The following AGBL4 variants were observed in gnomAD, a reference collection of about 807,000 sequenced individuals.
AGBL4 encodes AGBL carboxypeptidase 4, also known as cytosolic carboxypeptidase 6.
AGBL4 carries 58 observed loss-of-function variants against 66.4 expected under a neutral mutation model. The observed-to-expected ratio is 0.87, with a 90% CI of 0.71 to 1.09. AGBL4 has a LOEUF of 1.09. Among genes scored for constraint, AGBL4 ranks in the 50% least tolerant of loss-of-function variants. The pLI is 0.00. For synonymous variants in AGBL4, 234 were observed against 222.9 expected, an observed-to-expected ratio of 1.05 and a Z score of -0.44; for missense variants, 579 against 631.0, an observed-to-expected ratio of 0.92 and a Z score of 0.88.
chr1:48,547,208 G>C (rs1199402782), intron 11 of AGBL4, among the ~76,000 whole-genome samples: 3 of 152,068 alleles, frequency 2.0e-5, no homozygotes, highest in Non-Finnish European at 4.4e-5. Flanking sequence ...AAAATGACAC[G>C]GTCTCATTTT....
At chr1:49,852,222 A>G (rs910600395) in intron 1 of AGBL4, among the ~76,000 whole-genome samples, 1 of 152,166 alleles carries the variant, frequency 6.6e-6, no homozygotes, top group Non-Finnish European at 1.5e-5. Flanking sequence ...AAATAATCCA[A>G]TATCGAAGGA....
intron 3 of AGBL4, among the ~76,000 whole-genome samples, chr1:49,439,130 T>A (rs1294998557): frequency 6.6e-6 from 1 of 152,204 alleles, no homozygotes; most frequent in Non-Finnish European, 1.5e-5. Flanking sequence ...GGAAGACTTC[T>A]TGGAGGAGCT....
At chr1:49,806,631 T>G (rs1462257867) in intron 2 of AGBL4, among the ~76,000 whole-genome samples, 1 of 152,202 alleles carries the variant, frequency 6.6e-6, no homozygotes, top group Non-Finnish European at 1.5e-5. Flanking sequence ...AGTGAACATT[T>G]GATAAGATTA....
chr1:48,863,765 T>A (rs1010331469), intron 6 of AGBL4, among the ~76,000 whole-genome samples: 11 of 151,358 alleles, frequency 7.3e-5, no homozygotes, highest in Non-Finnish European at 1.0e-4. Context: ...CACAAAAAAA[T>A]AAATTCCTAT....
chr1:49,419,472 A>G (rs766671063), intron 3 of AGBL4, among the ~76,000 whole-genome samples: 5 of 152,156 alleles, frequency 3.3e-5, no homozygotes, highest in Non-Finnish European at 5.9e-5. Context: ...CTCTCTTTTC[A>G]TGACTTCCTT....
downstream of AGBL4, among the ~76,000 whole-genome samples, chr1:48,532,205 C>T (rs962952901): frequency 6.6e-6 from 1 of 152,156 alleles, no homozygotes; most frequent in African/African-American, 2.4e-5. Context: ...ATTTAGTGAG[C>T]ACATAAATAT....
rs140768614 is a variant in AGBL4, at chr1:49,954,980, G to A, written c.34+68783C>T. 8.4e-4 allele frequency among the ~76,000 whole-genome samples: 128 copies of A among 151,890 alleles called. 2 individuals are homozygous for A. In the East Asian group the frequency reaches 0.023, roughly 27 times the overall value. Reference sequence around the variant, plus strand: ...TTGGGCTTTCTGTTACATAAAATGAGACCCAATTCTCATCTCAAAGAGGCC... The same window carrying A: ...TTGGGCTTTCTGTTACATAAAATGAAACCCAATTCTCATCTCAAAGAGGCC... On this transcript the variant is annotated intron_variant, in intron 1 of 13. Coordinates refer to ENST00000371839, the MANE Select transcript of AGBL4 (RefSeq NM_032785.4).
At chr1:49,431,355 A>C (rs1212020640) in intron 3 of AGBL4, among the ~76,000 whole-genome samples, 1 of 152,212 alleles carries the variant, frequency 6.6e-6, no homozygotes. Flanking sequence ...ACAGCAATTA[A>C]AAATAACATC....
At position 49,690,128 on chromosome 1, in the gene AGBL4, AT is replaced by A. The variant is rs979345820; in HGVS notation, c.282+7184del. ...TCACTGAAGCCTCAGATGAACATTA[AT>A]TTTTTTTTTGCAATAAAGTGTTTCT... is the stretch of plus-strand genomic sequence containing the variant. On this transcript the variant is annotated intron_variant, in intron 3 of 13. Transcript: ENST00000371839. Among the ~76,000 whole-genome samples, 55 of 150,070 alleles carry A rather than the reference AT, an allele frequency of 3.7e-4. No homozygotes were observed. The East Asian group carries it at 4.1e-3, about 11-fold the overall frequency.
chr1:48,561,762 T>C (rs1373800792), intron 11 of AGBL4, among the ~76,000 whole-genome samples: 2 of 152,134 alleles, frequency 1.3e-5, no homozygotes, highest in Admixed American at 6.5e-5. Context: ...ACAGTTCTTC[T>C]TGGGTCTCAA....
chr1:49,725,243 T>C (rs915705607), intron 2 of AGBL4, among the ~76,000 whole-genome samples: 15 of 152,206 alleles, frequency 9.9e-5, no homozygotes, highest in Non-Finnish European at 1.8e-4. Flanking sequence ...TACTCTTTCC[T>C]ATTCCCATAA....
chr1:49,380,784 C>T (rs992850751), intron 3 of AGBL4, among the ~76,000 whole-genome samples: 2 of 152,160 alleles, frequency 1.3e-5, no homozygotes, highest in African/African-American at 4.8e-5. Flanking sequence ...GGAAAACTGG[C>T]TAGCCATATG....
At chr1:48,826,970 T>C (rs1468093511) in intron 6 of AGBL4, among the ~76,000 whole-genome samples, 1 of 152,148 alleles carries the variant, frequency 6.6e-6, no homozygotes, top group African/African-American at 2.4e-5. Context: ...ACTATGCTTT[T>C]CCCACTGCCT....
At chr1:49,682,778 A>G (rs1032410333) in intron 3 of AGBL4, among the ~76,000 whole-genome samples, 13 of 152,112 alleles carry the variant, frequency 8.5e-5, no homozygotes, top group African/African-American at 3.1e-4. Flanking sequence ...CTGCATTTTC[A>G]TTTTTCACTG....
chr1:49,235,503 G>T (rs746952536), intron 4 of AGBL4, among the ~76,000 whole-genome samples: 64 of 152,172 alleles, frequency 4.2e-4, no homozygotes, highest in Non-Finnish European at 1.8e-4. Context: ...TGATTGGCCT[G>T]CAAATCAGTC....
downstream of AGBL4, among the ~76,000 whole-genome samples, chr1:48,530,940 G>T (rs74075888): frequency 6.6e-6 from 1 of 152,170 alleles, no homozygotes; most frequent in African/African-American, 2.4e-5. Context: ...AGCCAGGTGG[G>T]CTAGTAGCCT....
intron 9 of AGBL4, among the ~76,000 whole-genome samples, chr1:48,628,908 C>G (rs1224386911): frequency 6.9e-6 from 1 of 145,782 alleles, no homozygotes; most frequent in African/African-American, 2.6e-5. Flanking sequence ...ACCTTCCTAA[C>G]TGCCTGGAAT....
In AGBL4 at chr1:48,980,752, T is replaced by C. The variant is rs181239872; in HGVS notation, c.594+64832A>G. On this transcript the variant is annotated intron_variant, in intron 5 of 13. Coordinates refer to ENST00000371839, the MANE Select transcript of AGBL4 (RefSeq NM_032785.4). ...ATATATATATATATATATATATATA[T>C]ATATATATATATATATATATATATA... 3.7e-4 allele frequency among the ~76,000 whole-genome samples: 11 copies of C among 29,882 alleles called. No homozygotes were observed. The South Asian group carries it at 8.8e-3, about 24-fold the overall frequency. 19.6% of individuals were successfully genotyped at this position (29,882 alleles called of 152,430 possible). A position where few individuals can be genotyped will look rare whatever the true frequency, so the allele number is the denominator to read the frequency against.
At chr1:49,067,078 C>T (rs569406487) in intron 4 of AGBL4, among the ~76,000 whole-genome samples, 4 of 152,170 alleles carry the variant, frequency 2.6e-5, no homozygotes, top group South Asian at 2.1e-4. Flanking sequence ...ATCCTGACCA[C>T]GGTAAGAAGT....
Sources: allele counts gnomAD v4.1 joint callset (sites outside exome capture counted in the v4.1 genomes callset), GRCh38; gene constraint gnomAD v4.1.1; transcripts MANE v1.5; gene names NCBI Gene and HGNC (gene_info 2026-07-23, HGNC 2026-07-21).